The following G3BP1 variants were observed in gnomAD, a reference collection of about 807,000 sequenced individuals.
The protein encoded by G3BP1 is ras GTPase-activating protein-binding protein 1.
G3BP1 carries 35 observed loss-of-function variants against 58.6 expected under a neutral mutation model. The ratio of observed to expected loss-of-function variants is 0.60; its 90% CI spans 0.46 to 0.79. The LOEUF (loss-of-function observed/expected upper bound fraction) is 0.79, where lower values mean the gene tolerates loss of function less well. Among genes scored for constraint, G3BP1 ranks in the 30% least tolerant of loss-of-function variants. The pLI, the probability that G3BP1 is intolerant of heterozygous loss-of-function variation, is 0.00. For synonymous variants in G3BP1, 191 were observed against 195.4 expected, an observed-to-expected ratio of 0.98 and a Z score of 0.19; for missense variants, 523 against 580.8, an observed-to-expected ratio of 0.90 and a Z score of 1.02.
At position 151,804,097 on chromosome 5, in the gene G3BP1, C is replaced by A; in HGVS notation, c.*6C>A. 1.3e-6 allele frequency: 2 copies of A among 1,568,716 alleles called. No individual in the cohort carries two copies. The highest frequency in any genetic ancestry group is 1.2e-5 in the South Asian group (1 of 86,368). On this transcript the variant is annotated 3_prime_UTR_variant, in exon 12 of 12. Transcript: ENST00000356245. Reference sequence around the variant, plus strand: ...GGCTTGCGCCACGGCAGTGAATCTTCATGGATCTTCATGCAGCCATACAAA... The same window carrying A: ...GGCTTGCGCCACGGCAGTGAATCTTAATGGATCTTCATGCAGCCATACAAA...
At chr5:151,786,803 T>C (rs1227090133) in intron 2 of G3BP1, 88 bp downstream of exon 2, 2 of 832,240 alleles carry the variant, frequency 2.4e-6, no homozygotes, top group Admixed American at 1.9e-5. Flanking sequence ...CATCTTATGC[T>C]TTGTAGGGTT....
At chr5:151,800,459 A>T in intron 10 of G3BP1, 113 bp downstream of exon 10, 6 of 315,070 alleles carry the variant, frequency 1.9e-5, no homozygotes, top group Admixed American at 5.4e-5. Context: ...AGTCATGGTT[A>T]AAAAAAAAAA....
chr5:151,795,927 T>G (rs1412558431), intron 6 of G3BP1, among the ~76,000 whole-genome samples: 1 of 152,226 alleles, frequency 6.6e-6, no homozygotes, highest in Non-Finnish European at 1.5e-5. Flanking sequence ...GAGACCTATT[T>G]AATTAGAGAT....
intron 1 of G3BP1, among the ~76,000 whole-genome samples, chr5:151,775,427 T>C (rs745880930): frequency 5.3e-5 from 8 of 152,260 alleles, no homozygotes; most frequent in Non-Finnish European, 1.2e-4. Flanking sequence ...ATTGGAGCTC[T>C]GAAACCGAAT....
rs1762906253 is a variant in G3BP1, at chr5:151,804,205, T to G, written c.*114T>G. 1.5e-6 allele frequency: 1 copy of G among 657,254 alleles called. No individual in the cohort carries two copies. The highest frequency in any genetic ancestry group is 3.0e-5 in the East Asian group (1 of 33,478). 40.7% of individuals were successfully genotyped at this position (657,254 alleles called of 1,614,324 possible). A position where few individuals can be genotyped will look rare whatever the true frequency, so the allele number is the denominator to read the frequency against. ...CCCAGTCTGTTATAAACTGCTTAAG[T>G]TTGTATAATTTTACTTTTTTTGTGT... On this transcript the variant is annotated 3_prime_UTR_variant, in exon 12 of 12. Transcript: ENST00000356245.
At chr5:151,799,697 C>T (rs1434959705) in intron 8 of G3BP1, among the ~76,000 whole-genome samples, 192 bp from the exon 9 acceptor site, 1 of 149,530 alleles carries the variant, frequency 6.7e-6, no homozygotes, top group Non-Finnish European at 1.5e-5. Flanking sequence ...AAAAAAAAAA[C>T]CAACCCAAAT....
rs889738459 is a variant in G3BP1 at position 151,811,658 on chromosome 5, G to A, written c.*7567G>A. ...TTTTTTTACAAGCCAAAAAATAACT[G>A]CCATAACTTTTGTGACTTCATGCAA... On this transcript the variant is annotated 3_prime_UTR_variant, in exon 12 of 12. Coordinates refer to ENST00000356245, the MANE Select transcript of G3BP1 (RefSeq NM_005754.3). 4.6e-5 allele frequency: 7 copies of A among 151,224 alleles called. No homozygotes were observed. Among genetic ancestry groups the A allele is most frequent in the Admixed American group, 1.3e-4 (2 of 15,212 alleles). The allele number at this position is 151,224 out of a possible 1,614,324, so 9.4% of individuals were successfully genotyped here.
At chr5:151,780,025 T>C (rs1312019567) in intron 1 of G3BP1, among the ~76,000 whole-genome samples, 1 of 152,246 alleles carries the variant, frequency 6.6e-6, no homozygotes, top group Admixed American at 6.5e-5. Context: ...AGTGCAAAAT[T>C]GTTCTCCACT....
At position 151,807,609 on chromosome 5, in the gene G3BP1, T is replaced by C. The variant is rs773854237; in HGVS notation, c.*3518T>C. ...GATAATTTAATGCAAACTTCAAATC[T>C]GGATGTGAATAATAATATTTTTATT... On this transcript the variant is annotated 3_prime_UTR_variant, in exon 12 of 12. Transcript: ENST00000356245. 1.3e-4 allele frequency: 20 copies of C among 152,354 alleles called. No homozygotes were observed. The highest frequency in any genetic ancestry group is 2.6e-4 in the Non-Finnish European group (18 of 68,020). The allele number at this position is 152,354 out of a possible 1,614,324, so 9.4% of individuals were successfully genotyped here.
At chr5:151,792,479 T>C (rs760768351) in intron 4 of G3BP1, among the ~76,000 whole-genome samples, 4 of 152,224 alleles carry the variant, frequency 2.6e-5, no homozygotes, top group Non-Finnish European at 5.9e-5. Context: ...TGGAGTATGA[T>C]TGTGAATTAC....
chr5:151,795,600 C>G, intron 6 of G3BP1, 25 bp downstream of exon 6: 1 of 1,174,034 alleles, frequency 8.5e-7, no homozygotes, highest in South Asian at 1.2e-5. Context: ...TTCACATGTC[C>G]GGGGCTGCAT....
In G3BP1 at chr5:151,809,664, G is replaced by C. The variant is rs540946889; in HGVS notation, c.*5573G>C. 1 of 152,286 alleles carries C rather than the reference G, an allele frequency of 6.6e-6. No homozygotes were observed. Among genetic ancestry groups the C allele is most frequent in the Admixed American group, 6.5e-5 (1 of 15,302 alleles). 9.4% of individuals were successfully genotyped at this position (152,286 alleles called of 1,614,324 possible). On this transcript the variant is annotated 3_prime_UTR_variant, in exon 12 of 12. Coordinates refer to ENST00000356245, the MANE Select transcript of G3BP1 (RefSeq NM_005754.3). ...AACCCCTTCATTTTACAAAGGATCA[G>C]AGAGAATTGGTTAGTAGAGTCCCAA...
In G3BP1 at chr5:151,797,398, C is replaced by T; in HGVS notation, c.711C>T (p.Asp237=). 1 of 1,612,100 alleles carries T rather than the reference C, an allele frequency of 6.2e-7. No homozygotes were observed. ...AGAGTTCTTCTCCAGCACCTGCAGA[C>T]ATAGCTCAGACAGTACAGGAAGACT... is the stretch of plus-strand genomic sequence containing the variant. ...AQKSSSPAPA[D]IAQTVQEDLR... Residue 237 remains aspartate (D), a synonymous_variant, in exon 7 of 12, where the codon GAC becomes GAT. Transcript: ENST00000356245.
Position 151,800,234 on chromosome 5 carries a change from G to T in G3BP1, c.972G>T (p.Glu324Asp), listed in dbSNP as rs139446356. 2 of 1,612,444 alleles carry T rather than the reference G, an allele frequency of 1.2e-6. No individual in the cohort carries two copies. Among genetic ancestry groups the T allele is most frequent in the Non-Finnish European group, 1.7e-6 (2 of 1,179,780 alleles). The change falls in exon 10 of 12, where the codon GAG becomes GAT. Residue 324 changes from glutamate (E) to aspartate (D), a missense_variant. Around this residue, in one of 2 missense-constraint regions of G3BP1, gnomAD observed 398 missense variants for 399.1 expected, o/e 1.00. Transcript: ENST00000356245. ...CCTTTTAAGTCCGTGAGGCTGGTGA[G>T]CAAGGTGACATTGAACCCCGAAGAA... ...RGPRPIREAG[E>D]QGDIEPRRMV... is the part of the protein sequence containing the mutation.
chr5:151,797,333 G>C lies in G3BP1; in HGVS notation c.646G>C (p.Glu216Gln). 6.2e-7 allele frequency: 1 copy of C among 1,614,112 alleles called. No individual in the cohort carries two copies. The highest frequency in any genetic ancestry group is 8.5e-7 in the Non-Finnish European group (1 of 1,179,972). Residue 216 changes from glutamate (E) to glutamine (Q), a missense_variant, in exon 7 of 12, where the codon GAG becomes CAG. Coordinates refer to ENST00000356245, the MANE Select transcript of G3BP1 (RefSeq NM_005754.3). The part of the protein sequence containing the change: ...PVSEIQEEKP[E>Q]PVLEETAPED... ...ATCTGAAATCCAAGAGGAAAAGCCTGAGCCAGTATTAGAAGAAACTGCCCC... is the reference window on the plus strand; with the variant it reads ...ATCTGAAATCCAAGAGGAAAAGCCTCAGCCAGTATTAGAAGAAACTGCCCC...
chr5:151,793,969 G>A (rs1178121786), intron 4 of G3BP1, among the ~76,000 whole-genome samples, 190 bp from the exon 5 acceptor site: 2 of 152,086 alleles, frequency 1.3e-5, no homozygotes, highest in African/African-American at 4.8e-5. Flanking sequence ...AGCTGTGGTG[G>A]CTCACTGCAT....
chr5:151,800,135 A>C, intron 9 of G3BP1, 83 bp from the exon 10 acceptor site: 5 of 1,376,162 alleles, frequency 3.6e-6, no homozygotes, highest in Non-Finnish European at 4.1e-6. Flanking sequence ...TTTAGTGTAG[A>C]GGGAAAACTA....
At chr5:151,775,734 T>G (rs989903393) in intron 1 of G3BP1, among the ~76,000 whole-genome samples, 3 of 152,242 alleles carry the variant, frequency 2.0e-5, no homozygotes, top group Non-Finnish European at 4.4e-5. Context: ...TCTTTTCACG[T>G]GATGAGAAAG....
intron 3 of G3BP1, among the ~76,000 whole-genome samples, chr5:151,790,639 G>A (rs1762635176): frequency 6.6e-6 from 1 of 152,044 alleles, no homozygotes. Context: ...GAAGATAATT[G>A]GCTTTAGCAT....
Sources: allele counts gnomAD v4.1 joint callset (sites outside exome capture counted in the v4.1 genomes callset), GRCh38; gene constraint gnomAD v4.1.1; regional missense constraint gnomAD v4.1.1; transcripts MANE v1.5; gene names NCBI Gene and HGNC (gene_info 2026-07-23, HGNC 2026-07-21).